The following UGT1A8 variants were observed in gnomAD, a reference collection of about 807,000 sequenced individuals.
UGT1A8 encodes UDP glucuronosyltransferase family 1 member A8.
UGT1A8 carries 39 observed loss-of-function variants against 45.3 expected under a neutral mutation model. The observed-to-expected ratio is 0.86, with a 90% confidence interval of 0.67 to 1.12. UGT1A8 has a LOEUF of 1.12. Among genes scored for constraint, UGT1A8 ranks in the 50% most tolerant of loss-of-function variants. The pLI is 0.00. For missense variants in UGT1A8, 719 were observed against 664.9 expected (o/e 1.08, Z -0.90); for synonymous variants, 275 against 249.2 (o/e 1.10, Z -0.97).
intron 1 of UGT1A8, chr2:233,729,134 C>T (rs143371539): frequency 2.5e-6 from 4 of 1,613,290 alleles, no homozygotes; most frequent in Middle Eastern, 1.8e-4. Flanking sequence ...GAGATGGCCA[C>T]AGGACTCCAG....
intron 1 of UGT1A8, chr2:233,717,679 T>C (rs1575517929): frequency 6.9e-6 from 3 of 437,064 alleles, no homozygotes; most frequent in Admixed American, 4.8e-5. Flanking sequence ...TGCGAGCACA[T>C]GTAGGAGTGA....
intron 1 of UGT1A8, among the ~76,000 whole-genome samples, chr2:233,742,359 GA>G (rs1415780327): frequency 1.3e-5 from 2 of 152,084 alleles, no homozygotes; most frequent in Admixed American, 6.5e-5. Flanking sequence ...ATCTGCAGCA[GA>G]AACATGTCCT....
intron 1 of UGT1A8, chr2:233,752,588 C>T (rs1160790573): frequency 1.3e-5 from 2 of 152,108 alleles, no homozygotes; most frequent in African/African-American, 4.8e-5. Flanking sequence ...CCCATCTCTA[C>T]AAGATTTTTT....
intron 1 of UGT1A8, 27 bp from the exon 2 acceptor site, chr2:233,767,007 A>T: frequency 6.2e-7 from 1 of 1,613,842 alleles, no homozygotes; most frequent in Non-Finnish European, 8.5e-7. Flanking sequence ...AGAAAAAATT[A>T]ACTGAAAATT....
chr2:233,689,977 C>T (rs1005809472), intron 1 of UGT1A8: 1 of 454,014 alleles, frequency 2.2e-6, no homozygotes, highest in African/African-American at 2.0e-5. Flanking sequence ...AACCCACAGG[C>T]CCCTAAAAGG....
chr2:233,757,675 A>T (rs1397708687), intron 1 of UGT1A8, among the ~76,000 whole-genome samples: 1 of 151,408 alleles, frequency 6.6e-6, no homozygotes, highest in Non-Finnish European at 1.5e-5. Flanking sequence ...AATTCAAGGA[A>T]TTCAAGGGAT....
At chr2:233,709,468 G>T (rs1361745327) in intron 1 of UGT1A8, among the ~76,000 whole-genome samples, 1 of 152,084 alleles carries the variant, frequency 6.6e-6, no homozygotes, top group Non-Finnish European at 1.5e-5. Flanking sequence ...TCATTTTGGG[G>T]CTTATAAGTA....
intron 1 of UGT1A8, among the ~76,000 whole-genome samples, chr2:233,725,254 CA>C (rs1559370489): frequency 1.4e-5 from 1 of 71,856 alleles, no homozygotes; most frequent in Non-Finnish European, 2.5e-5. Flanking sequence ...GCAGAGGAGG[CA>C]GAGGCAGAGG....
chr2:233,663,484 G>A (rs781579859), intron 1 of UGT1A8, among the ~76,000 whole-genome samples: 6 of 152,082 alleles, frequency 3.9e-5, no homozygotes, highest in Non-Finnish European at 7.3e-5. Context: ...GATCTGGGTG[G>A]TGCCAGCTGA....
chr2:233,671,262 G>A (rs575282152), intron 1 of UGT1A8, among the ~76,000 whole-genome samples: 1 of 152,324 alleles, frequency 6.6e-6, no homozygotes, highest in East Asian at 1.9e-4. Context: ...CACTGCGTGC[G>A]ATGTATCTTA....
rs556800643 is a variant in UGT1A8 at position 233,745,736 on chromosome 2, G to A, written c.856-21298G>A. 8.6e-5 allele frequency among the ~76,000 whole-genome samples: 13 copies of A among 150,680 alleles called. No individual in the cohort carries two copies. The South Asian group carries it at 2.5e-3, about 29-fold the overall frequency. ...GAATGGCTGGAGGGTAAGAGGCAGA[G>A]GGAGGGGGCAAGCAGAAGGGGTGGA... On this transcript the variant is annotated intron_variant, in intron 1 of 4. Coordinates refer to ENST00000373450, the MANE Select transcript of UGT1A8 (RefSeq NM_019076.5).
At chr2:233,729,228 GC>G in intron 1 of UGT1A8, 1 of 1,614,164 alleles carries the variant, frequency 6.2e-7, no homozygotes, top group African/African-American at 1.3e-5. Flanking sequence ...TGTTGGTGGT[GC>G]CCATTGATGG....
At chr2:233,713,464 C>T (rs12475068) in intron 1 of UGT1A8, 36 of 1,613,900 alleles carry the variant, frequency 2.2e-5, no homozygotes, top group Admixed American at 8.3e-5. Context: ...CACCTCTGCG[C>T]GGCGGTGCTG....
chr2:233,681,598 G>A (rs567691515), intron 1 of UGT1A8, among the ~76,000 whole-genome samples: 46 of 148,238 alleles, frequency 3.1e-4, no homozygotes, highest in African/African-American at 7.9e-4. Context: ...TATTAGCTTC[G>A]TTCAAATTTA....
At chr2:233,642,453 C>T (rs2073476412) in intron 1 of UGT1A8, among the ~76,000 whole-genome samples, 1 of 152,190 alleles carries the variant, frequency 6.6e-6, no homozygotes, top group Admixed American at 6.5e-5. Flanking sequence ...GTTTCCTCAA[C>T]ACAGCTATTT....
chr2:233,729,554 C>G, intron 1 of UGT1A8: 1 of 1,614,178 alleles, frequency 6.2e-7, no homozygotes, highest in Non-Finnish European at 8.5e-7. Flanking sequence ...CACCTGAATG[C>G]TACTTCCTTT....
At chr2:233,684,379 A>G (rs890884071) in intron 1 of UGT1A8, among the ~76,000 whole-genome samples, 17 of 152,160 alleles carry the variant, frequency 1.1e-4, no homozygotes, top group African/African-American at 4.1e-4. Flanking sequence ...CCCTCCATCA[A>G]TTACAGCACC....
intron 1 of UGT1A8, among the ~76,000 whole-genome samples, chr2:233,738,037 G>A (rs542059461): frequency 6.6e-6 from 1 of 152,044 alleles, no homozygotes; most frequent in South Asian, 2.1e-4. Context: ...TAATCCCCAC[G>A]TGTTGAGGAC....
At chr2:233,718,925 C>T (rs752437022) in intron 1 of UGT1A8, 5 of 1,614,078 alleles carry the variant, frequency 3.1e-6, no homozygotes, top group Middle Eastern at 1.7e-4. Context: ...TGGTGGTGCC[C>T]ACTGATGGCA....
Sources: allele counts gnomAD v4.1 joint callset (sites outside exome capture counted in the v4.1 genomes callset), GRCh38; gene constraint gnomAD v4.1.1; transcripts MANE v1.5; gene names NCBI Gene and HGNC (gene_info 2026-07-23, HGNC 2026-07-21).